The following IGSF21 variants were observed in gnomAD, a reference collection of about 807,000 sequenced individuals.
The protein encoded by IGSF21 is immunoglobulin superfamily member 21.
Under a neutral mutation model 46.8 loss-of-function variants are expected in IGSF21, and 28 were observed. That is an observed-to-expected ratio of 0.60 (90% confidence interval 0.44 to 0.82). The LOEUF (loss-of-function observed/expected upper bound fraction) is 0.82. IGSF21 is among the 40% of genes least tolerant of loss of function. The pLI is 0.00. For synonymous variants in IGSF21, 284 were observed against 273.6 expected, an observed-to-expected ratio of 1.04 and a Z score of -0.38; for missense variants, 624 against 665.5, an observed-to-expected ratio of 0.94 and a Z score of 0.69.
intron 1 of IGSF21, among the ~76,000 whole-genome samples, chr1:18,131,323 T>C (rs2086319599): frequency 1.3e-5 from 2 of 152,196 alleles, no homozygotes; most frequent in Non-Finnish European, 2.9e-5. Flanking sequence ...CATCCCAGAC[T>C]GATTTTCTCA....
intron 2 of IGSF21, among the ~76,000 whole-genome samples, chr1:18,243,394 C>T (rs2084752539): frequency 6.6e-6 from 1 of 152,164 alleles, no homozygotes; most frequent in East Asian, 1.9e-4. Flanking sequence ...CGCATCTCTT[C>T]CATCGAATCC....
intron 6 of IGSF21, among the ~76,000 whole-genome samples, chr1:18,366,354 G>T (rs911242586): frequency 6.6e-6 from 1 of 152,180 alleles, no homozygotes; most frequent in Admixed American, 6.5e-5. Flanking sequence ...AAGACCAGGG[G>T]AGGTCAAGAT....
intron 1 of IGSF21, among the ~76,000 whole-genome samples, chr1:18,197,031 C>T (rs60666808): frequency 0.011 from 1,670 of 152,292 alleles, 28 homozygotes; most frequent in African/African-American, 0.038. Context: ...TATCTGGCTT[C>T]GCTAGAGAGC....
chr1:18,250,388 ACAC>A (rs767637436), intron 2 of IGSF21, among the ~76,000 whole-genome samples: 10 of 151,966 alleles, frequency 6.6e-5, no homozygotes, highest in African/African-American at 9.7e-5. Context: ...TGCCCCGTCC[ACAC>A]CACTTTTCCC....
At chr1:18,122,857 G>A (rs1042259377) in intron 1 of IGSF21, among the ~76,000 whole-genome samples, 1 of 151,420 alleles carries the variant, frequency 6.6e-6, no homozygotes, top group Non-Finnish European at 1.5e-5. Flanking sequence ...GAACTCCTGA[G>A]CTCAGGCAAT....
At chr1:18,377,044 G>A in intron 8 of IGSF21, 52 bp downstream of exon 8, 1 of 1,526,652 alleles carries the variant, frequency 6.6e-7, no homozygotes, top group South Asian at 1.3e-5. Flanking sequence ...GGCGGGTCCT[G>A]TCTGGGAGGT....
chr1:18,110,647 C>G (rs1187179459), intron 1 of IGSF21: 2 of 152,378 alleles, frequency 1.3e-5, no homozygotes, highest in Non-Finnish European at 2.9e-5. Flanking sequence ...GCCCCTCGCA[C>G]TGGCTGGGCC....
intron 2 of IGSF21, among the ~76,000 whole-genome samples, chr1:18,273,342 T>C (rs2085062717): frequency 1.9e-5 from 1 of 52,064 alleles, no homozygotes; most frequent in Admixed American, 2.3e-4. Context: ...TTCCTTTCCT[T>C]TCCTTTCCTT....
intron 2 of IGSF21, among the ~76,000 whole-genome samples, 171 bp from the exon 3 acceptor site, chr1:18,291,695 G>A (rs2085268655): frequency 6.6e-6 from 1 of 152,140 alleles, no homozygotes; most frequent in African/African-American, 2.4e-5. Flanking sequence ...CCTTCAGGAG[G>A]CAACTTAAAA....
chr1:18,194,733 G>T (rs994853905), intron 1 of IGSF21, among the ~76,000 whole-genome samples: 1 of 152,210 alleles, frequency 6.6e-6, no homozygotes, highest in East Asian at 1.9e-4. Context: ...TGTTCCAGGA[G>T]GACAGGGATG....
chr1:18,336,336 C>T (rs1041516903), intron 4 of IGSF21, among the ~76,000 whole-genome samples: 2 of 152,208 alleles, frequency 1.3e-5, no homozygotes, highest in Non-Finnish European at 2.9e-5. Context: ...GAAGGCCCCT[C>T]TGCAGCTATT....
At chr1:18,160,141 G>A (rs757778957) in intron 1 of IGSF21, among the ~76,000 whole-genome samples, 3 of 152,122 alleles carry the variant, frequency 2.0e-5, no homozygotes, top group African/African-American at 7.2e-5. Context: ...GCCAGGCTAG[G>A]GGGAGAGAAG....
Position 18,340,615 on chromosome 1 carries a change from T to C in IGSF21, c.424+5605T>C, listed in dbSNP as rs553505866. On this transcript the variant is annotated intron_variant, in intron 4 of 9. Coordinates refer to ENST00000251296, the MANE Select transcript of IGSF21 (RefSeq NM_032880.5). ...TCTGGGGCTTCCCATAGCAAATTGC[T>C]GCAAACTGGGTGGCTTAAAACCACA... is the stretch of plus-strand genomic sequence containing the variant. 2.0e-5 allele frequency among the ~76,000 whole-genome samples: 3 copies of C among 152,326 alleles called. No individual in the cohort carries two copies. In the South Asian group the frequency reaches 6.2e-4, roughly 32 times the overall value.
At chr1:18,293,503 G>T (rs958672910) in intron 3 of IGSF21, among the ~76,000 whole-genome samples, 1 of 152,172 alleles carries the variant, frequency 6.6e-6, no homozygotes, top group Non-Finnish European at 1.5e-5. Flanking sequence ...ACGTGAAGGT[G>T]TGTGAAGAGG....
intron 1 of IGSF21, among the ~76,000 whole-genome samples, chr1:18,216,895 G>A (rs188034117): frequency 1.3e-5 from 2 of 152,168 alleles, no homozygotes; most frequent in African/African-American, 4.8e-5. Context: ...TGTAGCACTG[G>A]AACCCAGGGA....
At chr1:18,235,687 C>T (rs2084666340) in intron 2 of IGSF21, among the ~76,000 whole-genome samples, 2 of 152,184 alleles carry the variant, frequency 1.3e-5, no homozygotes, top group South Asian at 4.1e-4. Context: ...ATACCAGGCC[C>T]TGTGCTGTAA....
chr1:18,236,857 A>G (rs937417217), intron 2 of IGSF21, among the ~76,000 whole-genome samples: 1 of 152,200 alleles, frequency 6.6e-6, no homozygotes, highest in Non-Finnish European at 1.5e-5. Context: ...GAACTTGGTA[A>G]CATATGGAGC....
intron 1 of IGSF21, among the ~76,000 whole-genome samples, chr1:18,210,092 A>G (rs1400702569): frequency 1.3e-5 from 2 of 152,136 alleles, no homozygotes; most frequent in African/African-American, 2.4e-5. Flanking sequence ...ACATCCAGGC[A>G]CTCTATAACC....
At position 18,322,150 on chromosome 1, in the gene IGSF21, A is replaced by G. The variant is rs1453804951; in HGVS notation, c.306-12742A>G. Among the ~76,000 whole-genome samples, 1 of 152,186 alleles carries G rather than the reference A, an allele frequency of 6.6e-6. No individual in the cohort carries two copies. The highest frequency in any genetic ancestry group is 1.9e-4 in the East Asian group (1 of 5,186). ...ATGAGATCAGTTTTCAGTGCCTCGC[A>G]CAGGGTCTCGCACACAGGAGGTGCT... On this transcript the variant is annotated intron_variant, in intron 3 of 9. Transcript: ENST00000251296. This position sits in a 1 kb window ranked among gnomAD's most constrained non-coding sequence, Gnocchi z 4.3.
Sources: allele counts gnomAD v4.1 joint callset (sites outside exome capture counted in the v4.1 genomes callset), GRCh38; gene constraint gnomAD v4.1.1; non-coding constraint Gnocchi (gnomAD v3.1); transcripts MANE v1.5; gene names NCBI Gene and HGNC (gene_info 2026-07-23, HGNC 2026-07-21).